The following ARHGAP31 variants were observed in gnomAD, a reference collection of about 807,000 sequenced individuals.
ARHGAP31 encodes the protein Rho GTPase activating protein 31, also known as rho GTPase-activating protein 31.
ARHGAP31 carries 34 observed loss-of-function variants against 113.9 expected under a neutral mutation model. The observed-to-expected ratio is 0.30, with a 90% confidence interval of 0.23 to 0.40. The LOEUF is 0.40. Among genes scored for constraint, ARHGAP31 ranks in the 10% least tolerant of loss-of-function variants. The probability of loss-of-function intolerance (pLI) is 1.00; values close to 1 mark genes in which losing one functional copy is unlikely to be tolerated. For missense variants in ARHGAP31, 1,548 were observed against 1,767.1 expected (o/e 0.88, Z 2.22); for synonymous variants, 650 against 684.8 (o/e 0.95, Z 0.79).
intron 1 of ARHGAP31, among the ~76,000 whole-genome samples, chr3:119,346,528 A>G (rs1197208339): frequency 2.0e-5 from 3 of 152,224 alleles, no homozygotes; most frequent in Non-Finnish European, 4.4e-5. Flanking sequence ...ACTAGACTGT[A>G]AACTGAGGTT....
At chr3:119,379,792 A>G (rs1367636709) in intron 3 of ARHGAP31, among the ~76,000 whole-genome samples, 1 of 152,206 alleles carries the variant, frequency 6.6e-6, no homozygotes, top group African/African-American at 2.4e-5. Flanking sequence ...ATAGCTTAAG[A>G]TCTGCACATT....
intron 1 of ARHGAP31, among the ~76,000 whole-genome samples, chr3:119,321,536 C>G (rs1576992781): frequency 6.7e-6 from 1 of 149,592 alleles, no homozygotes; most frequent in South Asian, 2.1e-4. Context: ...TGTGATTACA[C>G]TGTGTGTGTG....
At chr3:119,335,580 G>C (rs541428733) in intron 1 of ARHGAP31, among the ~76,000 whole-genome samples, 1 of 152,174 alleles carries the variant, frequency 6.6e-6, no homozygotes, top group Non-Finnish European at 1.5e-5. Flanking sequence ...TTGGGGAGGA[G>C]AACACAGGCT....
intron 1 of ARHGAP31, among the ~76,000 whole-genome samples, chr3:119,308,551 A>G (rs148107045): frequency 6.6e-6 from 1 of 152,316 alleles, no homozygotes; most frequent in Non-Finnish European, 1.5e-5. Flanking sequence ...CTCTACCCAC[A>G]GCTGGGAAAG....
At chr3:119,411,819 T>C (rs1206281991) in intron 11 of ARHGAP31, among the ~76,000 whole-genome samples, 1 of 152,212 alleles carries the variant, frequency 6.6e-6, no homozygotes, top group Admixed American at 6.5e-5. Flanking sequence ...AGACCCTTTA[T>C]TGAGCCCCCA....
chr3:119,362,754 G>C (rs867547792), intron 1 of ARHGAP31, among the ~76,000 whole-genome samples: 1 of 147,628 alleles, frequency 6.8e-6, no homozygotes, highest in Non-Finnish European at 1.5e-5. Context: ...AGTGACAAGA[G>C]CGAAACTCTG....
chr3:119,396,720 A>G (rs6787836), intron 8 of ARHGAP31, among the ~76,000 whole-genome samples: 91,415 of 152,058 alleles, frequency 0.6, 27,862 homozygotes, highest in African/African-American at 0.69. Flanking sequence ...CCATAAATAA[A>G]GACATTTAAA....
At chr3:119,398,437 C>T (rs1388116639) in intron 8 of ARHGAP31, among the ~76,000 whole-genome samples, 1 of 152,208 alleles carries the variant, frequency 6.6e-6, no homozygotes, top group Non-Finnish European at 1.5e-5. Context: ...CCTCTTTCCC[C>T]TCCTGACAAG....
At chr3:119,362,380 A>G (rs766990727) in intron 1 of ARHGAP31, among the ~76,000 whole-genome samples, 57 of 152,214 alleles carry the variant, frequency 3.7e-4, no homozygotes, top group Admixed American at 7.9e-4. Context: ...TGCTGCAAAG[A>G]TATTCCTACA....
At position 119,420,668 on chromosome 3, in the gene ARHGAP31, T is replaced by A. The variant is rs2107650041; in HGVS notation, c.*4404T>A. On this transcript the variant is annotated 3_prime_UTR_variant, in exon 12 of 12. Coordinates refer to ENST00000264245, the MANE Select transcript of ARHGAP31 (RefSeq NM_020754.4). Reference sequence around the variant, plus strand: ...GCTTTGCAATAACTTAATGTCATAGTACTTTCTGGCTTATAATTCTGCAAA... The same window carrying A: ...GCTTTGCAATAACTTAATGTCATAGAACTTTCTGGCTTATAATTCTGCAAA... 6.6e-6 allele frequency: 1 copy of A among 152,372 alleles called. No homozygotes were observed. Among genetic ancestry groups the A allele is most frequent in the South Asian group, 2.1e-4 (1 of 4,828 alleles). 9.4% of individuals were successfully genotyped at this position (152,372 alleles called of 1,614,324 possible).
chr3:119,358,910 A>G (rs2080181713), intron 1 of ARHGAP31, among the ~76,000 whole-genome samples: 1 of 152,216 alleles, frequency 6.6e-6, no homozygotes, highest in African/African-American at 2.4e-5. Flanking sequence ...TCTGGAATTA[A>G]TGTGATGATT....
At chr3:119,328,276 T>C (rs146740142) in intron 1 of ARHGAP31, among the ~76,000 whole-genome samples, 1 of 152,104 alleles carries the variant, frequency 6.6e-6, no homozygotes, top group Non-Finnish European at 1.5e-5. Context: ...AAGAAGACAG[T>C]TCTGATGGTA....
Position 119,294,696 on chromosome 3 carries a change from C to G in ARHGAP31, c.-209C>G. On this transcript the variant is annotated 5_prime_UTR_variant, in exon 1 of 12. Coordinates refer to ENST00000264245, the MANE Select transcript of ARHGAP31 (RefSeq NM_020754.4). ...GTCTGCACGGCCTCGGCACGGCGGCCCCGGAGCGGCGCGGGGTGGATCTCA... is the reference window on the plus strand; with the variant it reads ...GTCTGCACGGCCTCGGCACGGCGGCGCCGGAGCGGCGCGGGGTGGATCTCA... The G allele has an allele frequency of 1.7e-6, 1 of 597,042 alleles. No individual in the cohort carries two copies. Among genetic ancestry groups the G allele is most frequent in the Non-Finnish European group, 2.9e-6 (1 of 339,676 alleles). 37.0% of individuals were successfully genotyped at this position (597,042 alleles called of 1,614,324 possible). A position where few individuals can be genotyped will look rare whatever the true frequency, so the allele number is the denominator to read the frequency against.
chr3:119,301,252 A>T (rs1244110415), intron 1 of ARHGAP31, among the ~76,000 whole-genome samples: 1 of 152,090 alleles, frequency 6.6e-6, no homozygotes, highest in African/African-American at 2.4e-5. Context: ...CGCCATCCAG[A>T]TGCCTTCCAG....
At chr3:119,379,341 A>G (rs1247510951) in intron 3 of ARHGAP31, among the ~76,000 whole-genome samples, 2 of 152,214 alleles carry the variant, frequency 1.3e-5, no homozygotes, top group African/African-American at 4.8e-5. Flanking sequence ...GCAGGACCTC[A>G]GTGGTCTCCT....
chr3:119,311,474 T>C (rs6438521), intron 1 of ARHGAP31, among the ~76,000 whole-genome samples: 56,943 of 152,018 alleles, frequency 0.37, 10,898 homozygotes, highest in Non-Finnish European at 0.41. Flanking sequence ...TCTCAAGATC[T>C]TTAATTTGAT....
intron 1 of ARHGAP31, among the ~76,000 whole-genome samples, chr3:119,320,129 G>T (rs1433827532): frequency 6.6e-6 from 1 of 152,180 alleles, no homozygotes; most frequent in African/African-American, 2.4e-5. Flanking sequence ...TACATTCCTT[G>T]TTCAAGGTAT....
At chr3:119,376,227 G>A (rs998446600) in intron 3 of ARHGAP31, among the ~76,000 whole-genome samples, 2 of 152,176 alleles carry the variant, frequency 1.3e-5, no homozygotes, top group Non-Finnish European at 2.9e-5. Context: ...GGTGGCTTAC[G>A]CCTGTAATCC....
At chr3:119,326,097 C>T (rs893594154) in intron 1 of ARHGAP31, among the ~76,000 whole-genome samples, 4 of 152,138 alleles carry the variant, frequency 2.6e-5, no homozygotes, top group African/African-American at 7.2e-5. Flanking sequence ...GAGGCTGAGG[C>T]AGGAGAATCA....
Sources: allele counts gnomAD v4.1 joint callset (sites outside exome capture counted in the v4.1 genomes callset), GRCh38; gene constraint gnomAD v4.1.1; transcripts MANE v1.5; gene names NCBI Gene and HGNC (gene_info 2026-07-23, HGNC 2026-07-21).